Variants in LIMS4 observed in about 807,000 individuals in gnomAD.
The protein encoded by LIMS4 is LIM zinc finger domain containing 4, also known as LIM and senescent cell antigen-like-containing domain protein 4.
chr2:110,424,566 G>C, the LIMS4 span, among the ~76,000 whole-genome samples: 1 of 145,128 alleles, frequency 6.9e-6, no homozygotes, highest in African/African-American at 2.7e-5. Context: ...TCCCAGAGGA[G>C]GGAGAGGCCT....
chr2:110,397,391 C>T, the LIMS4 span: 1 of 148,084 alleles, frequency 6.8e-6, no homozygotes, highest in Non-Finnish European at 1.5e-5. Flanking sequence ...CACACACACA[C>T]ACAGTATGTG....
At chr2:110,390,971 C>T in the LIMS4 span, among the ~76,000 whole-genome samples, 4 of 152,280 alleles carry the variant, frequency 2.6e-5, no homozygotes, top group Admixed American at 6.5e-5. Context: ...TCTGAAAAGG[C>T]CTCCCTGAGG....
chr2:110,425,310 G>A, the LIMS4 span, among the ~76,000 whole-genome samples: 1 of 142,344 alleles, frequency 7.0e-6, no homozygotes, highest in Non-Finnish European at 1.5e-5. Flanking sequence ...AGCTTAGGAG[G>A]TTGAGGCTGC....
the LIMS4 span, among the ~76,000 whole-genome samples, chr2:110,389,860 G>A: frequency 6.8e-6 from 1 of 147,492 alleles, no homozygotes; most frequent in Non-Finnish European, 1.5e-5. Context: ...CCAGAACCAT[G>A]ACCAGGGCCC....
At chr2:110,366,950 C>CAA in the LIMS4 span, among the ~76,000 whole-genome samples, 1 of 123,730 alleles carries the variant, frequency 8.1e-6, no homozygotes, top group Non-Finnish European at 1.6e-5. Flanking sequence ...AATAGACACA[C>CAA]ACACACACAC....
the LIMS4 span, among the ~76,000 whole-genome samples, chr2:110,391,167 G>T: frequency 1.3e-5 from 2 of 151,476 alleles, no homozygotes; most frequent in African/African-American, 2.4e-5. Flanking sequence ...GGAGGGAAGG[G>T]TGGAGCAGAT....
chr2:110,422,524 A>G, the LIMS4 span, among the ~76,000 whole-genome samples: 1 of 91,998 alleles, frequency 1.1e-5, no homozygotes, highest in Non-Finnish European at 1.9e-5. Context: ...TCTTTTGCCC[A>G]GGCTGGAGTG....
the LIMS4 span, among the ~76,000 whole-genome samples, chr2:110,371,336 A>C: frequency 9.3e-5 from 11 of 118,432 alleles, no homozygotes; most frequent in Non-Finnish European, 1.8e-4. Context: ...CTATAAAGAA[A>C]ATTTTTATTT....
chr2:110,360,649 A>G, the LIMS4 span: 1 of 1,505,172 alleles, frequency 6.6e-7, no homozygotes, highest in Non-Finnish European at 9.1e-7. Flanking sequence ...GATGAAGGCC[A>G]TACCATGTGT....
At chr2:110,367,428 G>A in the LIMS4 span, among the ~76,000 whole-genome samples, 5 of 143,390 alleles carry the variant, frequency 3.5e-5, no homozygotes, top group South Asian at 2.2e-4. Flanking sequence ...GAAGCCACAC[G>A]TCTACAACTA....
At chr2:110,367,075 G>A in the LIMS4 span, among the ~76,000 whole-genome samples, 790 of 150,776 alleles carry the variant, frequency 5.2e-3, 12 homozygotes, top group African/African-American at 0.019. Flanking sequence ...AATCAGAGCT[G>A]ACCCAAACAA....
the LIMS4 span, among the ~76,000 whole-genome samples, chr2:110,367,912 G>A: frequency 6.9e-6 from 1 of 144,326 alleles, no homozygotes; most frequent in Non-Finnish European, 1.5e-5. Flanking sequence ...GAACTAGAGA[G>A]TGTTAAGAAT....
the LIMS4 span, among the ~76,000 whole-genome samples, chr2:110,425,061 C>T: frequency 2.1e-5 from 3 of 142,750 alleles, no homozygotes; most frequent in Non-Finnish European, 4.4e-5. Flanking sequence ...CTTGCTACTG[C>T]AGGGTCCCTG....
the LIMS4 span, among the ~76,000 whole-genome samples, chr2:110,391,000 C>T: frequency 6.6e-6 from 1 of 152,232 alleles, no homozygotes; most frequent in Non-Finnish European, 1.5e-5. Context: ...ATGCCATGAG[C>T]AGAATGACAA....
chr2:110,364,699 A>AAAAC, the LIMS4 span, among the ~76,000 whole-genome samples: 3 of 57,076 alleles, frequency 5.3e-5, no homozygotes, highest in African/African-American at 9.1e-5. Flanking sequence ...CAAAAAATTA[A>AAAAC]AAACAAACAA....
At chr2:110,419,656 CAAA>C in the LIMS4 span, among the ~76,000 whole-genome samples, 6 of 8,130 alleles carry the variant, frequency 7.4e-4, no homozygotes, top group Non-Finnish European at 5.4e-4. Context: ...ACAACAACAA[CAAA>C]AAAAAAAAAA....
the LIMS4 span, among the ~76,000 whole-genome samples, chr2:110,366,376 G>T: frequency 6.6e-6 from 1 of 152,186 alleles, no homozygotes; most frequent in Non-Finnish European, 1.5e-5. Context: ...GGGATGCAAG[G>T]TTGGTTCAAC....
the LIMS4 span, chr2:110,362,584 T>C: frequency 6.9e-7 from 1 of 1,446,138 alleles, no homozygotes. Context: ...ACACGCTCCA[T>C]CTGTCATAGT....
chr2:110,368,892 G>GTTTT, the LIMS4 span, among the ~76,000 whole-genome samples: 2,066 of 135,010 alleles, frequency 0.015, 108 homozygotes, highest in African/African-American at 0.058. Flanking sequence ...GTATGTAAAG[G>GTTTT]TTTTTTTTTT....
Sources: gnomAD v4.1 joint callset for allele counts (sites outside exome capture counted in the v4.1 genomes callset) on GRCh38, gnomAD v4.1.1 for gene constraint, MANE v1.5 for transcripts, NCBI Gene and HGNC (gene_info 2026-07-23, HGNC 2026-07-21) for gene names.